Variants in YAP1 observed in about 807,000 individuals in gnomAD.
YAP1 encodes Yes1 associated transcriptional regulator.
Under a neutral mutation model 56.9 loss-of-function variants are expected in YAP1, and 5 were observed. That is an observed-to-expected ratio of 0.09 (90% CI 0.05 to 0.18). The LOEUF is 0.18. Ranked by LOEUF, YAP1 falls within the 10% of genes least tolerant of loss-of-function variation. The probability of loss-of-function intolerance (pLI) is 1.00; values close to 1 mark genes in which losing one functional copy is unlikely to be tolerated. For missense variants in YAP1, 539 were observed against 651.8 expected (o/e 0.83, Z 1.88); for synonymous variants, 265 against 248.1 (o/e 1.07, Z -0.64).
chr11:102,147,152 T>C (rs1257922690), intron 2 of YAP1, among the ~76,000 whole-genome samples: 1 of 152,218 alleles, frequency 6.6e-6, no homozygotes, highest in Admixed American at 6.5e-5. Context: ...GCTCTGTTAA[T>C]CTGGCACCAA....
chr11:102,123,869 C>T (rs112823898), intron 2 of YAP1, among the ~76,000 whole-genome samples: 21 of 151,952 alleles, frequency 1.4e-4, no homozygotes, highest in African/African-American at 4.6e-4. Context: ...CCTCGTGATC[C>T]GCCCACCTTG....
In YAP1 at chr11:102,179,224, T is replaced by C. The variant is rs138084051; in HGVS notation, c.689-6794T>C. On this transcript the variant is annotated intron_variant, in intron 3 of 8. Transcript: ENST00000282441. ...GCTATAGGGCCTACTTTTAATCTTT[T>C]CTTCGAAAGAAGACTTTGGTATTGG... 5.6e-3 allele frequency among the ~76,000 whole-genome samples: 849 copies of C among 152,258 alleles called. 7 individuals carry two copies. The highest frequency in any genetic ancestry group is 0.02 in the African/African-American group (813 of 41,554).
intron 2 of YAP1, among the ~76,000 whole-genome samples, chr11:102,124,107 A>C (rs925699304): frequency 3.3e-5 from 5 of 151,758 alleles, no homozygotes; most frequent in African/African-American, 1.2e-4. Flanking sequence ...GTGTGCCACC[A>C]TGCCCCAGCT....
chr11:102,220,815 A>T (rs573198808), intron 6 of YAP1, among the ~76,000 whole-genome samples: 1 of 152,304 alleles, frequency 6.6e-6, no homozygotes, highest in East Asian at 1.9e-4. Flanking sequence ...TTAATGATTG[A>T]AATACAGTGA....
intron 2 of YAP1, among the ~76,000 whole-genome samples, chr11:102,139,990 T>G (rs1043934845): frequency 1.3e-5 from 2 of 152,218 alleles, no homozygotes; most frequent in Non-Finnish European, 2.9e-5. Flanking sequence ...CAGCAAATGA[T>G]GAACTGAAAA....
chr11:102,163,536 C>G (rs959728132), intron 3 of YAP1, among the ~76,000 whole-genome samples: 2 of 152,172 alleles, frequency 1.3e-5, no homozygotes, highest in Admixed American at 1.3e-4. Flanking sequence ...CTGGCCCCCA[C>G]GCTTTACCCC....
chr11:102,161,386 A>T (rs1054846873), intron 2 of YAP1, among the ~76,000 whole-genome samples: 2 of 144,500 alleles, frequency 1.4e-5, no homozygotes, highest in South Asian at 2.2e-4. Flanking sequence ...ACACACACAC[A>T]CTAAACAATT....
chr11:102,116,677 T>C (rs1367653213), intron 2 of YAP1, among the ~76,000 whole-genome samples: 1 of 152,084 alleles, frequency 6.6e-6, no homozygotes, highest in Admixed American at 6.6e-5. Context: ...AAGAAAAAAC[T>C]GGGAGGAGGA....
At chr11:102,182,280 C>T (rs559168496) in intron 3 of YAP1, among the ~76,000 whole-genome samples, 1 of 152,262 alleles carries the variant, frequency 6.6e-6, no homozygotes, top group Admixed American at 6.5e-5. Flanking sequence ...ACATTATAAT[C>T]AGAATATAAA....
At chr11:102,217,382 G>T (rs1949717362) in intron 6 of YAP1, among the ~76,000 whole-genome samples, 1 of 152,042 alleles carries the variant, frequency 6.6e-6, no homozygotes, top group South Asian at 2.1e-4. Context: ...GTATCCAAGA[G>T]AAACGAAAGC....
chr11:102,220,512 A>G (rs1294766073), intron 6 of YAP1, among the ~76,000 whole-genome samples: 2 of 152,188 alleles, frequency 1.3e-5, no homozygotes, highest in Non-Finnish European at 2.9e-5. Context: ...CTGGGCTGAG[A>G]TAAAATTATA....
intron 2 of YAP1, among the ~76,000 whole-genome samples, chr11:102,120,357 G>A (rs1219945236): frequency 2.6e-5 from 4 of 152,218 alleles, no homozygotes; most frequent in Admixed American, 1.3e-4. Flanking sequence ...CCTAGCATGA[G>A]AAGAATCATA....
At chr11:102,186,847 T>TGTGTGTGTGTGTGTGTGTGTGTGTGTG (rs1555013227) in intron 4 of YAP1, among the ~76,000 whole-genome samples, 1 of 151,344 alleles carries the variant, frequency 6.6e-6, no homozygotes, top group South Asian at 2.1e-4. Flanking sequence ...TGTGTGTGTG[T>TGTGTGTGTGTGTGTGTGTGTGTGTGTG]TTTAAACTGT....
intron 3 of YAP1, among the ~76,000 whole-genome samples, chr11:102,184,605 G>GT: frequency 6.6e-6 from 1 of 152,314 alleles, no homozygotes; most frequent in African/African-American, 2.4e-5. Flanking sequence ...AAATTGATCT[G>GT]TTCCTAATAC....
intron 3 of YAP1, among the ~76,000 whole-genome samples, chr11:102,166,780 C>CT (rs1219684228): frequency 2.0e-5 from 3 of 151,848 alleles, no homozygotes; most frequent in Non-Finnish European, 4.4e-5. Flanking sequence ...CCTCGCTTTG[C>CT]TTTTTTTTGA....
chr11:102,148,528 G>A (rs1945451453), intron 2 of YAP1, among the ~76,000 whole-genome samples: 1 of 152,108 alleles, frequency 6.6e-6, no homozygotes, highest in South Asian at 2.1e-4. Context: ...GTTTTTGGAT[G>A]GCATTAATGT....
At chr11:102,125,261 A>T (rs899473058) in intron 2 of YAP1, among the ~76,000 whole-genome samples, 2 of 151,654 alleles carry the variant, frequency 1.3e-5, no homozygotes, top group African/African-American at 2.4e-5. Flanking sequence ...GGCTCAAATG[A>T]TCCACCCACC....
intron 6 of YAP1, among the ~76,000 whole-genome samples, chr11:102,214,529 C>T (rs1949567928): frequency 6.6e-6 from 1 of 152,128 alleles, no homozygotes; most frequent in Non-Finnish European, 1.5e-5. Context: ...AAGTATTTGG[C>T]TTTTTTCCCT....
intron 7 of YAP1, among the ~76,000 whole-genome samples, chr11:102,226,530 C>T (rs913795087): frequency 5.3e-5 from 8 of 152,134 alleles, no homozygotes; most frequent in Non-Finnish European, 7.3e-5. Context: ...ATAACAGCTG[C>T]CTTGATTTTA....
Sources: allele counts gnomAD v4.1 joint callset (sites outside exome capture counted in the v4.1 genomes callset), GRCh38; gene constraint gnomAD v4.1.1; transcripts MANE v1.5; gene names NCBI Gene and HGNC (gene_info 2026-07-23, HGNC 2026-07-21).